BICC1: variants seen among roughly 807,000 people sequenced by gnomAD.
BICC1 encodes the protein protein bicaudal C homolog 1.
In BICC1, 43 loss-of-function variants were observed where a neutral mutation model predicts 111.0. The ratio of observed to expected loss-of-function variants is 0.39; its 90% CI spans 0.30 to 0.50. BICC1 has a LOEUF of 0.50. Ranked by LOEUF, BICC1 falls within the 20% of genes least tolerant of loss-of-function variation. The pLI is 0.88. For synonymous variants in BICC1, 467 were observed against 434.4 expected, an observed-to-expected ratio of 1.07 and a Z score of -0.93; for missense variants, 1,091 against 1,203.2, an observed-to-expected ratio of 0.91 and a Z score of 1.38.
At chr10:58,702,506 A>G (rs1840268137) in intron 3 of BICC1, among the ~76,000 whole-genome samples, 2 of 151,822 alleles carry the variant, frequency 1.3e-5, no homozygotes, top group African/African-American at 4.8e-5. Flanking sequence ...CACAGATTTA[A>G]TAGCTGGTTT....
intron 2 of BICC1, among the ~76,000 whole-genome samples, chr10:58,622,004 C>T (rs1326569503): frequency 1.3e-5 from 2 of 150,076 alleles, no homozygotes; most frequent in East Asian, 3.9e-4. Context: ...AATCTCTCCT[C>T]TACCACAAAA....
chr10:58,611,207 GA>G (rs1034170906), intron 1 of BICC1, among the ~76,000 whole-genome samples: 1 of 152,174 alleles, frequency 6.6e-6, no homozygotes, highest in Admixed American at 6.5e-5. Flanking sequence ...ATTTTTACCT[GA>G]ATGTTTTCTA....
intron 2 of BICC1, among the ~76,000 whole-genome samples, chr10:58,621,347 G>T (rs945730967): frequency 1.3e-5 from 2 of 152,210 alleles, no homozygotes; most frequent in African/African-American, 4.8e-5. Context: ...CAGACTGCTA[G>T]TTTTCCATCC....
chr10:58,677,000 C>T (rs978908132), intron 2 of BICC1, among the ~76,000 whole-genome samples: 21 of 152,130 alleles, frequency 1.4e-4, no homozygotes, highest in African/African-American at 5.1e-4. Flanking sequence ...AAGCAGTAGC[C>T]TCAACGTCAA....
intron 18 of BICC1, 139 bp downstream of exon 18, chr10:58,814,125 CCTT>C (rs1408389444): frequency 1.0e-6 from 1 of 981,964 alleles, no homozygotes; most frequent in Non-Finnish European, 1.6e-6. Context: ...TGTGAAGCCT[CCTT>C]GTTTCTCCCA....
At chr10:58,736,557 C>T (rs541399090) in intron 3 of BICC1, among the ~76,000 whole-genome samples, 62 of 152,162 alleles carry the variant, frequency 4.1e-4, no homozygotes, top group African/African-American at 1.1e-3. Context: ...TACTTGTGAC[C>T]GACTCATTTC....
chr10:58,729,302 C>T (rs1841212532), intron 3 of BICC1, among the ~76,000 whole-genome samples: 1 of 152,228 alleles, frequency 6.6e-6, no homozygotes, highest in Non-Finnish European at 1.5e-5. Flanking sequence ...TCTACATCAG[C>T]ACTTGCTGCT....
chr10:58,821,137 A>G (rs778348445), intron 20 of BICC1, among the ~76,000 whole-genome samples: 6 of 152,158 alleles, frequency 3.9e-5, no homozygotes, highest in Admixed American at 6.6e-5. Context: ...ATGAGTCAGG[A>G]GTTGGCAAAT....
chr10:58,768,080 T>G (rs945434358), intron 3 of BICC1, among the ~76,000 whole-genome samples: 1 of 151,994 alleles, frequency 6.6e-6, no homozygotes, highest in Non-Finnish European at 1.5e-5. Flanking sequence ...GATATGGACA[T>G]CCAGGTTATG....
At chr10:58,597,484 G>A (rs1277495224) in intron 1 of BICC1, among the ~76,000 whole-genome samples, 1 of 152,176 alleles carries the variant, frequency 6.6e-6, no homozygotes, top group Non-Finnish European at 1.5e-5. Flanking sequence ...TCTGTGTTCA[G>A]TGGTGCACAT....
intron 17 of BICC1, among the ~76,000 whole-genome samples, chr10:58,808,717 A>ATTT (rs34786742): frequency 0.016 from 2,299 of 145,208 alleles, 60 homozygotes; most frequent in African/African-American, 0.053. Flanking sequence ...TTTAAAAAAA[A>ATTT]TTTTTTTTTT....
At chr10:58,737,902 G>T (rs189641213) in intron 3 of BICC1, among the ~76,000 whole-genome samples, 1 of 152,174 alleles carries the variant, frequency 6.6e-6, no homozygotes, top group African/African-American at 2.4e-5. Context: ...AGAAGTGTCT[G>T]TTCATATCCT....
rs769447398 is a variant in BICC1 at position 58,813,824 on chromosome 10, T to G, written c.2377-6T>G. 6.8e-6 allele frequency: 11 copies of G among 1,613,424 alleles called. No homozygotes were observed. The highest frequency in any genetic ancestry group is 6.8e-6 in the Non-Finnish European group (8 of 1,179,610). The stretch of plus-strand genomic sequence containing the variant: ...TATTTCCTTATCTGGCTTTGTCTGT[T>G]TACAGGGCTCATCCATGTCCCTTTC... On this transcript the variant is annotated splice_polypyrimidine_tract_variant and splice_region_variant and intron_variant, in intron 17 of 20. Transcript: ENST00000373886.
chr10:58,575,752 G>A, intron 1 of BICC1, among the ~76,000 whole-genome samples: 1 of 152,052 alleles, frequency 6.6e-6, no homozygotes, highest in Non-Finnish European at 1.5e-5. Context: ...AGAGTCTTCT[G>A]ATGGCTTTGT....
At chr10:58,749,456 A>G (rs992787047) in intron 3 of BICC1, among the ~76,000 whole-genome samples, 9 of 152,164 alleles carry the variant, frequency 5.9e-5, no homozygotes, top group Non-Finnish European at 1.2e-4. Flanking sequence ...TTGAGTCTGA[A>G]TATACAGCAA....
intron 2 of BICC1, among the ~76,000 whole-genome samples, chr10:58,675,687 A>C (rs1463643280): frequency 6.6e-6 from 1 of 152,262 alleles, no homozygotes; most frequent in Non-Finnish European, 1.5e-5. Context: ...GGTGTACAGC[A>C]TGAGTGGCGA....
At chr10:58,512,818 C>G (rs2132479383), upstream of BICC1, among the ~76,000 whole-genome samples, 1 of 149,916 alleles carries the variant, frequency 6.7e-6, no homozygotes. Context: ...GGGCGGCGGG[C>G]GGGGAGGGGG....
chr10:58,549,604 G>A (rs1157893575), intron 1 of BICC1, among the ~76,000 whole-genome samples: 1 of 147,142 alleles, frequency 6.8e-6, no homozygotes, highest in Non-Finnish European at 1.5e-5. Flanking sequence ...CTTTGGTGAG[G>A]AGTCTGTTCA....
Position 58,689,593 on chromosome 10 carries a change from G to T in BICC1, c.238-12481G>T, listed in dbSNP as rs370637568. Among the ~76,000 whole-genome samples, 63 of 152,320 alleles carry T rather than the reference G, an allele frequency of 4.1e-4. No homozygotes were observed. The Middle Eastern group carries it at 0.01, about 25-fold the overall frequency. On this transcript the variant is annotated intron_variant, in intron 2 of 20. Coordinates refer to ENST00000373886, the MANE Select transcript of BICC1 (RefSeq NM_001080512.3). ...TGTGTTTTAAAGGAAAAAAGCAAGA[G>T]ACAGTGTTCTTGAATTCTTCAGTGT...
Sources: allele counts gnomAD v4.1 joint callset (sites outside exome capture counted in the v4.1 genomes callset), GRCh38; gene constraint gnomAD v4.1.1; transcripts MANE v1.5; gene names NCBI Gene and HGNC (gene_info 2026-07-23, HGNC 2026-07-21).